The following RBIS variants were observed in gnomAD, a reference collection of about 807,000 sequenced individuals.
RBIS encodes the protein ribosome biogenesis factor identified in screen.
Under a neutral mutation model 9.8 loss-of-function variants are expected in RBIS, and 9 were observed. The observed-to-expected ratio is 0.92, with a 90% confidence interval of 0.56 to 1.61. The LOEUF is 1.61. Ranked by LOEUF, RBIS falls within the 40% of genes most tolerant of loss-of-function variation. RBIS has a pLI of 0.00. For missense variants in RBIS, 103 were observed against 116.0 expected, an observed-to-expected ratio of 0.89 and a Z score of 0.51; for synonymous variants, 35 against 37.9, an observed-to-expected ratio of 0.92 and a Z score of 0.28.
chr8:85,214,094 A>C lies in RBIS; in HGVS notation c.*466T>G. On this transcript the variant is annotated 3_prime_UTR_variant, in exon 4 of 4. Transcript: ENST00000619594. Reference sequence around the variant, plus strand: ...TATCCACAAACGTCCCCACTCCCAAAAGTAACTATATTCTGGATTTCAACT... The same window carrying C: ...TATCCACAAACGTCCCCACTCCCAACAGTAACTATATTCTGGATTTCAACT... 1 of 582,754 alleles carries C rather than the reference A, an allele frequency of 1.7e-6. No homozygotes were observed. Among genetic ancestry groups the C allele is most frequent in the Non-Finnish European group, 3.2e-6 (1 of 316,974 alleles). The allele number at this position is 582,754 out of a possible 1,614,324, so 36.1% of individuals were successfully genotyped here. A position where few individuals can be genotyped will look rare whatever the true frequency, so the allele number is the denominator to read the frequency against.
chr8:85,215,759 G>GT (rs1022104356), intron 2 of RBIS: 4 of 152,214 alleles, frequency 2.6e-5, no homozygotes, highest in Non-Finnish European at 4.4e-5. Context: ...ACTGGTAAAA[G>GT]TATTTTCCTG....
rs202106250 is a variant in RBIS, at chr8:85,217,473, C to T, written c.27G>A (p.Pro9=). 151 of 1,611,560 alleles carry T rather than the reference C, an allele frequency of 9.4e-5. No homozygotes were observed. Among genetic ancestry groups the T allele is most frequent in the Middle Eastern group, 2.0e-4 (1 of 4,954 alleles). The change falls in exon 2 of 4, where the codon CCG becomes CCA. Residue 9 remains proline (P), a synonymous_variant. Coordinates refer to ENST00000619594, the MANE Select transcript of RBIS (RefSeq NM_001099673.3). MAKNKLRG[P]KSRNVFHIAS... is the part of the protein sequence containing the mutation. ...CTATGTGAAATACATTCCTGGACTT[C>T]GGCCCTCTTAATTTGTTCTTGGCCA... is the stretch of plus-strand genomic sequence containing the variant.
intron 1 of RBIS, 191 bp from the exon 2 acceptor site, chr8:85,217,693 A>G: frequency 1.7e-6 from 1 of 580,554 alleles, no homozygotes; most frequent in Non-Finnish European, 3.0e-6. Flanking sequence ...CAGAGTATGT[A>G]TCTAATTCTT....
chr8:85,215,252 G>C (rs972230654), intron 2 of RBIS: 11 of 276,760 alleles, frequency 4.0e-5, no homozygotes, highest in Non-Finnish European at 4.7e-5. Flanking sequence ...TCACACTTAT[G>C]GTTCAGAAGG....
intron 1 of RBIS, chr8:85,218,736 G>C (rs1381898447): frequency 6.6e-6 from 1 of 152,322 alleles, no homozygotes; most frequent in Non-Finnish European, 1.5e-5. Flanking sequence ...GGAGACTGAG[G>C]AAGGAGAATC....
intron 1 of RBIS, 135 bp downstream of exon 1, chr8:85,220,165 CTACCCA>C (rs900495781): frequency 5.9e-5 from 9 of 152,266 alleles, no homozygotes; most frequent in African/African-American, 2.2e-4. Context: ...TTCGGGCCTG[CTACCCA>C]GTAGGGCTGC....
In RBIS at chr8:85,220,334, T is replaced by C. The variant is rs1813324459; in HGVS notation, c.-32A>G. ...AAGTTTAACACTTGCGTGCAGCTTT[T>C]TAAGCTCCAGGTAACACCATCTGGC... On this transcript the variant is annotated 5_prime_UTR_variant, in exon 1 of 4. An upstream open reading frame in the 5' UTR loses its in-frame stop. Transcript: ENST00000619594. The C allele has an allele frequency of 6.6e-6, 1 of 152,250 alleles. No individual in the cohort carries two copies. Among genetic ancestry groups the C allele is most frequent in the African/African-American group, 2.4e-5 (1 of 41,464 alleles). The allele number at this position is 152,250 out of a possible 1,614,324, so 9.4% of individuals were successfully genotyped here.
At chr8:85,217,841 T>A (rs967533311) in intron 1 of RBIS, 1 of 222,264 alleles carries the variant, frequency 4.5e-6, no homozygotes, top group Non-Finnish European at 8.8e-6. Context: ...TATATACTAC[T>A]ATGCTATTCT....
chr8:85,219,078 A>G (rs1813261181), intron 1 of RBIS: 1 of 152,254 alleles, frequency 6.6e-6, no homozygotes, highest in East Asian at 1.9e-4. Flanking sequence ...CCCAATGTAT[A>G]AGGGGCAACG....
At chr8:85,215,679 T>C (rs1233800056) in intron 2 of RBIS, 1 of 152,332 alleles carries the variant, frequency 6.6e-6, no homozygotes, top group Non-Finnish European at 1.5e-5. Context: ...CCCCTTCCCA[T>C]GTACCTTGCC....
chr8:85,217,396 T>C lies in RBIS; in HGVS notation c.104A>G (p.Asn35Ser). ...AKNKAKPVTT[N>S]LKKINIMNEE... ...TTAACTAATACTCACCTTCTTAAGA[T>C]TAGTGGTAACTGGTTTTGCTTTGTT... The change falls in exon 2 of 4, where the codon AAT becomes AGT. Residue 35 changes from asparagine to serine, a missense_variant. Asn to Ser is a conservative substitution (Grantham distance 46, BLOSUM62 1). Transcript: ENST00000619594. 6.9e-6 allele frequency: 11 copies of C among 1,587,934 alleles called. No homozygotes were observed. The highest frequency in any genetic ancestry group is 9.5e-6 in the Non-Finnish European group (11 of 1,156,562).
chr8:85,214,739 G>C (rs561464143), intron 3 of RBIS, 108 bp from the exon 4 acceptor site: 2 of 835,380 alleles, frequency 2.4e-6, no homozygotes, highest in Non-Finnish European at 4.1e-6. Context: ...TTTGGAAGTA[G>C]AACAATCTGT....
chr8:85,214,917 T>C lies in RBIS; in HGVS notation c.231+4A>G, dbSNP rs1287935261. 1 of 1,468,542 alleles carries C rather than the reference T, an allele frequency of 6.8e-7. No individual in the cohort carries two copies. Among genetic ancestry groups the C allele is most frequent in the East Asian group, 2.3e-5 (1 of 44,104 alleles). 91.0% of individuals were successfully genotyped at this position (1,468,542 alleles called of 1,614,324 possible). On this transcript the variant is annotated splice_donor_region_variant and intron_variant, in intron 3 of 3. Coordinates refer to ENST00000619594, the MANE Select transcript of RBIS (RefSeq NM_001099673.3). ...ATAAAAAAAAGCAAATGATTTCTGCTTACCAGTTCTTTCTGCAGAGGTTCA... is the reference window on the plus strand; with the variant it reads ...ATAAAAAAAAGCAAATGATTTCTGCCTACCAGTTCTTTCTGCAGAGGTTCA...
intron 2 of RBIS, 31 bp downstream of exon 2, chr8:85,217,355 A>G: frequency 4.8e-6 from 6 of 1,253,768 alleles, no homozygotes; most frequent in Non-Finnish European, 7.0e-6. Context: ...GCTTGTAAAC[A>G]ATAAAGTCAG....
intron 2 of RBIS, among the ~76,000 whole-genome samples, chr8:85,216,498 C>T (rs761998710): frequency 2.6e-5 from 4 of 152,284 alleles, no homozygotes; most frequent in Middle Eastern, 3.4e-3. Flanking sequence ...CCAAGCTTTT[C>T]CCTAGCTCAG....
At chr8:85,217,584 AATCTAAAAAATTCT>A in intron 1 of RBIS, 82 bp from the exon 2 acceptor site, 1 of 846,214 alleles carries the variant, frequency 1.2e-6, no homozygotes, top group East Asian at 2.4e-5. Flanking sequence ...GTACCAATTA[AATCTAAAAAATTCT>A]ATCTTACTCT....
Position 85,217,454 on chromosome 8 carries a change from G to A in RBIS, c.46C>T (p.His16Tyr), listed in dbSNP as rs1299478893. 5.0e-6 allele frequency: 8 copies of A among 1,612,510 alleles called. No homozygotes were observed. The highest frequency in any genetic ancestry group is 6.8e-6 in the Non-Finnish European group (8 of 1,179,592). ...TTAAAGTTTTTTTGGCTGGCTATGT[G>A]AAATACATTCCTGGACTTCGGCCCT... ...LRGPKSRNVF[H>Y]IASQKNFKAK... Residue 16 changes from histidine to tyrosine, a missense_variant, in exon 2 of 4, where the codon CAC (histidine) becomes TAC (tyrosine). His to Tyr is a moderately conservative substitution (Grantham distance 83). Transcript: ENST00000619594.
At chr8:85,217,163 G>A (rs898486922) in intron 2 of RBIS, 2 of 621,214 alleles carry the variant, frequency 3.2e-6, no homozygotes, top group African/African-American at 3.7e-5. Flanking sequence ...TCACACATTT[G>A]TAGTTAAAAT....
In RBIS at chr8:85,217,491, C is replaced by A. The variant is rs375559516; in HGVS notation, c.9G>T (p.Lys3Asn). 8 of 1,605,400 alleles carry A rather than the reference C, an allele frequency of 5.0e-6. No individual in the cohort carries two copies. The highest frequency in any genetic ancestry group is 6.8e-6 in the Non-Finnish European group (8 of 1,173,960). MA[K>N]NKLRGPKSRN... Reference sequence around the variant, plus strand: ...TGGACTTCGGCCCTCTTAATTTGTTCTTGGCCATTGTCTAGAAAAGAAAAT... The same window carrying A: ...TGGACTTCGGCCCTCTTAATTTGTTATTGGCCATTGTCTAGAAAAGAAAAT... Residue 3 changes from lysine (K) to asparagine (N), a missense_variant, in exon 2 of 4, where the codon AAG becomes AAT. Coordinates refer to ENST00000619594, the MANE Select transcript of RBIS (RefSeq NM_001099673.3).
Sources: allele counts gnomAD v4.1 joint callset (sites outside exome capture counted in the v4.1 genomes callset), GRCh38; gene constraint gnomAD v4.1.1; transcripts MANE v1.5; gene names NCBI Gene and HGNC (gene_info 2026-07-23, HGNC 2026-07-21).